The following ZFAT variants were observed in gnomAD, a reference collection of about 807,000 sequenced individuals.
ZFAT encodes zinc finger protein ZFAT.
In ZFAT, 64 loss-of-function variants were observed where a neutral mutation model predicts 117.7. That is an observed-to-expected ratio of 0.54 (90% CI 0.44 to 0.67). ZFAT has a LOEUF of 0.67. ZFAT is among the 30% of genes least tolerant of loss of function. The probability of loss-of-function intolerance (pLI) is 0.00; values close to 1 mark genes in which losing one functional copy is unlikely to be tolerated. For synonymous variants in ZFAT, 679 were observed against 615.0 expected, an observed-to-expected ratio of 1.10 and a Z score of -1.54; for missense variants, 1,433 against 1,584.5, an observed-to-expected ratio of 0.90 and a Z score of 1.62.
At chr8:134,633,656 A>G (rs1232868607) in intron 3 of ZFAT, among the ~76,000 whole-genome samples, 2 of 152,254 alleles carry the variant, frequency 1.3e-5, no homozygotes, top group Non-Finnish European at 2.9e-5. Context: ...CACCTCGCTC[A>G]CAACCAGCTC....
chr8:134,565,085 T>C, intron 11 of ZFAT: 2 of 1,474,242 alleles, frequency 1.4e-6, no homozygotes, highest in Non-Finnish European at 1.8e-6. Context: ...GATCGTGCCT[T>C]TTCTTCTGTC....
chr8:134,559,387 C>G (rs1823894176), intron 11 of ZFAT, among the ~76,000 whole-genome samples: 1 of 152,174 alleles, frequency 6.6e-6, no homozygotes, highest in Non-Finnish European at 1.5e-5. Context: ...TAGAGAGATC[C>G]CATATTCTTT....
chr8:134,744,879 G>A, the ZFAT span, among the ~76,000 whole-genome samples: 1 of 151,698 alleles, frequency 6.6e-6, no homozygotes, highest in African/African-American at 2.4e-5. Context: ...ACAGGCGCCC[G>A]CCACCAGGCC....
At chr8:134,683,706 C>G (rs560234574) in intron 1 of ZFAT, among the ~76,000 whole-genome samples, 1 of 152,062 alleles carries the variant, frequency 6.6e-6, no homozygotes, top group Non-Finnish European at 1.5e-5. Flanking sequence ...CGCCACAGAC[C>G]GGTACCTGGA....
chr8:134,509,929 A>G (rs1819691627), intron 14 of ZFAT, 180 bp from the exon 15 acceptor site: 1 of 736,428 alleles, frequency 1.4e-6, no homozygotes, highest in African/African-American at 1.8e-5. Context: ...CTTACAAAGC[A>G]TTTTCTATAA....
chr8:134,605,375 T>A (rs1409808295), intron 5 of ZFAT, among the ~76,000 whole-genome samples: 2 of 151,606 alleles, frequency 1.3e-5, no homozygotes, highest in African/African-American at 4.9e-5. Context: ...TGAAACCCCG[T>A]CTCTACTAAA....
the ZFAT span, among the ~76,000 whole-genome samples, chr8:134,805,867 AT>A: frequency 3.3e-5 from 5 of 152,068 alleles, no homozygotes; most frequent in African/African-American, 1.2e-4. Flanking sequence ...GGTCCCAGCT[AT>A]TCGGGAGGCT....
At chr8:134,498,478 G>C (rs375461315) in intron 15 of ZFAT, among the ~76,000 whole-genome samples, 17 of 9,334 alleles carry the variant, frequency 1.8e-3, no homozygotes, top group Admixed American at 2.8e-3. Flanking sequence ...GTTACACACA[G>C]AGCCTGATTT....
In ZFAT at chr8:134,478,442, T is replaced by G; in HGVS notation, c.*40A>C. On this transcript the variant is annotated 3_prime_UTR_variant, in exon 16 of 16. Coordinates refer to ENST00000377838, the MANE Select transcript of ZFAT (RefSeq NM_020863.4). This position sits in a 1 kb window ranked among gnomAD's most constrained non-coding sequence, Gnocchi z 5.2. ...CCCCACCCTGGGTGCCTGCAGAGCC[T>G]GGCAGCCCCGCCCTGTGGCCATCCG... 6.5e-7 allele frequency: 1 copy of G among 1,537,612 alleles called. No homozygotes were observed. The highest frequency in any genetic ancestry group is 8.8e-7 in the Non-Finnish European group (1 of 1,138,266).
chr8:134,785,263 T>C, the ZFAT span: 1 of 152,242 alleles, frequency 6.6e-6, no homozygotes, highest in East Asian at 1.9e-4. Context: ...TTTGGACACT[T>C]CCTTTGTCAG....
At chr8:134,573,805 C>A (rs1480951255) in intron 10 of ZFAT, among the ~76,000 whole-genome samples, 1 of 152,242 alleles carries the variant, frequency 6.6e-6, no homozygotes, top group Non-Finnish European at 1.5e-5. Flanking sequence ...ATGTCCATGA[C>A]TGATGAAGCA....
chr8:134,500,295 G>A (rs1818876288), intron 15 of ZFAT, among the ~76,000 whole-genome samples: 1 of 152,190 alleles, frequency 6.6e-6, no homozygotes, highest in Non-Finnish European at 1.5e-5. Context: ...CAAATAAAGT[G>A]GGATTCTGCA....
intron 11 of ZFAT, among the ~76,000 whole-genome samples, chr8:134,539,220 A>G (rs957715842): frequency 6.6e-6 from 1 of 152,224 alleles, no homozygotes; most frequent in African/African-American, 2.4e-5. Context: ...GCAGATGGGA[A>G]GCTGGTGATG....
chr8:134,827,766 TAA>T, the ZFAT span, among the ~76,000 whole-genome samples: 8 of 114,700 alleles, frequency 7.0e-5, no homozygotes, highest in Non-Finnish European at 7.3e-5. Flanking sequence ...AGACTCTGTC[TAA>T]AAAAAAAAAA....
upstream of ZFAT, among the ~76,000 whole-genome samples, chr8:134,714,391 A>G (rs949138225): frequency 5.9e-5 from 9 of 152,080 alleles, no homozygotes; most frequent in African/African-American, 2.2e-4. Context: ...AGCAGCCCTT[A>G]TAGGTCCTTT....
intron 5 of ZFAT, among the ~76,000 whole-genome samples, chr8:134,605,473 G>A (rs554804348): frequency 2.0e-5 from 3 of 151,850 alleles, no homozygotes; most frequent in African/African-American, 7.3e-5. Context: ...GTGAACCCAG[G>A]GGGTGGAGCT....
intron 3 of ZFAT, among the ~76,000 whole-genome samples, chr8:134,636,970 G>A (rs891631908): frequency 9.9e-5 from 15 of 152,200 alleles, no homozygotes; most frequent in African/African-American, 3.6e-4. Context: ...TCCCTCATAG[G>A]AGCCTTGAGG....
chr8:134,826,164 T>A, the ZFAT span, among the ~76,000 whole-genome samples: 1 of 152,206 alleles, frequency 6.6e-6, no homozygotes, highest in Non-Finnish European at 1.5e-5. Context: ...TCCCTAAATT[T>A]GCAAAAAATA....
chr8:134,779,524 A>G, the ZFAT span, among the ~76,000 whole-genome samples: 1 of 152,192 alleles, frequency 6.6e-6, no homozygotes, highest in African/African-American at 2.4e-5. Context: ...TAAAAACACG[A>G]CAACTGGGCA....
Sources: allele counts gnomAD v4.1 joint callset (sites outside exome capture counted in the v4.1 genomes callset), GRCh38; gene constraint gnomAD v4.1.1; non-coding constraint Gnocchi (gnomAD v3.1); transcripts MANE v1.5; gene names NCBI Gene and HGNC (gene_info 2026-07-23, HGNC 2026-07-21).